ADGB: variants seen among roughly 807,000 people sequenced by gnomAD.
The protein encoded by ADGB is calpain-7-like protein.
A neutral mutation model predicts 210.5 loss-of-function variants in ADGB; 172 were observed. The observed-to-expected ratio is 0.82, with a 90% CI of 0.72 to 0.93. The LOEUF is 0.93. Ranked by LOEUF, ADGB falls within the 40% of genes least tolerant of loss-of-function variation. The pLI is 0.00. For missense variants in ADGB, 2,025 were observed against 1,964.8 expected (o/e 1.03, Z -0.58); for synonymous variants, 658 against 662.7 (o/e 0.99, Z 0.11).
At position 146,716,329 on chromosome 6, in the gene ADGB, C is replaced by T. The variant is rs1040817185; in HGVS notation, c.1742-554C>T. 8.2e-5 allele frequency among the ~76,000 whole-genome samples: 12 copies of T among 146,824 alleles called. 1 individual carries two copies. The highest frequency in any genetic ancestry group is 6.2e-4 in the South Asian group (3 of 4,812). On this transcript the variant is annotated intron_variant, in intron 14 of 35. Transcript: ENST00000397944. Reference sequence around the variant, plus strand: ...TGTGAGGGCCGGGCGCGGTGGCTCACGCCTGTAATCCCAGCACTTTGGGAG... The same window carrying T: ...TGTGAGGGCCGGGCGCGGTGGCTCATGCCTGTAATCCCAGCACTTTGGGAG...
intron 35 of ADGB, among the ~76,000 whole-genome samples, chr6:146,810,424 C>T (rs1778287269): frequency 6.6e-6 from 1 of 152,122 alleles, no homozygotes; most frequent in African/African-American, 2.4e-5. Context: ...CTAGAGCTAC[C>T]ATATGATCCA....
chr6:146,691,425 T>TAAAACAC (rs57619983), intron 11 of ADGB, 135 bp downstream of exon 11: 2 of 71,690 alleles, frequency 2.8e-5, no homozygotes, highest in Non-Finnish European at 4.3e-5. Flanking sequence ...TATATATATA[T>TAAAACAC]ATATATATAT....
At chr6:146,731,839 C>T (rs563006231) in intron 20 of ADGB, among the ~76,000 whole-genome samples, 66 of 152,186 alleles carry the variant, frequency 4.3e-4, no homozygotes, top group African/African-American at 1.3e-3. Flanking sequence ...GAAATGTGTT[C>T]TGAAATCTAG....
At chr6:146,706,805 G>A (rs889646008) in intron 13 of ADGB, among the ~76,000 whole-genome samples, 2 of 136,136 alleles carry the variant, frequency 1.5e-5, no homozygotes, top group Non-Finnish European at 3.1e-5. Context: ...CTAGCAAAAG[G>A]TTTGTCAGTT....
intron 1 of ADGB, among the ~76,000 whole-genome samples, chr6:146,614,693 T>C (rs1780764551): frequency 6.6e-6 from 1 of 152,190 alleles, no homozygotes; most frequent in Middle Eastern, 3.2e-3. Flanking sequence ...CATTGTTGCA[T>C]TGCTGTAAAA....
chr6:146,694,027 C>G (rs988531147), intron 12 of ADGB, among the ~76,000 whole-genome samples: 1 of 152,134 alleles, frequency 6.6e-6, no homozygotes, highest in African/African-American at 2.4e-5. Context: ...TCTCTTCTTT[C>G]CTTTTTGGGC....
At chr6:146,724,382 T>A in intron 18 of ADGB, 55 bp downstream of exon 18, 1 of 1,470,644 alleles carries the variant, frequency 6.8e-7, no homozygotes, top group South Asian at 1.4e-5. Context: ...GCTTGCAAAT[T>A]GTTGGTTACT....
chr6:146,793,058 CT>C (rs1263146047), intron 33 of ADGB, among the ~76,000 whole-genome samples: 1 of 152,176 alleles, frequency 6.6e-6, no homozygotes, highest in Admixed American at 6.5e-5. Flanking sequence ...GTTGCTGCTT[CT>C]GGCTGTGGTG....
Position 146,717,027 on chromosome 6 carries a change from A to C in ADGB, c.1886A>C (p.Lys629Thr), listed in dbSNP as rs889331925. 2 of 1,551,450 alleles carry C rather than the reference A, an allele frequency of 1.3e-6. No individual in the cohort carries two copies. Among genetic ancestry groups the C allele is most frequent in the African/African-American group, 1.4e-5 (1 of 73,038 alleles). The change falls in exon 15 of 36, where the codon AAA becomes ACA. Residue 629 changes from lysine (K) to threonine (T), a missense_variant. Lys to Thr is a moderately conservative substitution (Grantham distance 78). Coordinates refer to ENST00000397944, the MANE Select transcript of ADGB (RefSeq NM_024694.4). ...ELPTTNNSVS[K>T]EIWLDFEDFC... ...CCAACAACAAATAATAGTGTTTCTA[A>C]AGAAATATGGTTAGATTTTGAAGAT...
chr6:146,719,076 G>A (rs1776777477), intron 16 of ADGB, among the ~76,000 whole-genome samples: 1 of 152,124 alleles, frequency 6.6e-6, no homozygotes, highest in Non-Finnish European at 1.5e-5. Flanking sequence ...GATGTTGCAG[G>A]CCCTTAGGTT....
chr6:146,699,632 C>G (rs1007059353), intron 12 of ADGB, among the ~76,000 whole-genome samples: 1 of 152,088 alleles, frequency 6.6e-6, no homozygotes, highest in East Asian at 1.9e-4. Flanking sequence ...CTAGGCAGCC[C>G]TCAAGCCAGC....
intron 7 of ADGB, among the ~76,000 whole-genome samples, chr6:146,669,514 C>G (rs930673948): frequency 6.6e-6 from 1 of 152,064 alleles, no homozygotes; most frequent in African/African-American, 2.4e-5. Context: ...CCAGTGATCA[C>G]CTCTCCTGCC....
chr6:146,750,702 T>C (rs1777307693), intron 26 of ADGB, among the ~76,000 whole-genome samples: 2 of 152,198 alleles, frequency 1.3e-5, no homozygotes, highest in Admixed American at 6.6e-5. Flanking sequence ...GCCAACTCTT[T>C]AATTGCATTA....
At chr6:146,696,301 C>A (rs1013639100) in intron 12 of ADGB, among the ~76,000 whole-genome samples, 3 of 152,120 alleles carry the variant, frequency 2.0e-5, no homozygotes, top group Admixed American at 6.5e-5. Flanking sequence ...GTCTCTATCT[C>A]CTGACCTCAG....
Position 146,683,343 on chromosome 6 carries a change from T to A in ADGB, c.1217-2391T>A, listed in dbSNP as rs763280907. On this transcript the variant is annotated intron_variant, in intron 9 of 35. Transcript: ENST00000397944. ...CCCTGAATCTCATTTATAAGATGTA[T>A]AAAACTTAGTTTGAAAATCCCTATT... is the stretch of plus-strand genomic sequence containing the variant. Among the ~76,000 whole-genome samples the A allele has an allele frequency of 1.1e-4, 16 of 152,254 alleles. 1 individual carries two copies. The highest frequency in any genetic ancestry group is 6.2e-4 in the South Asian group (3 of 4,832).
At chr6:146,660,506 TA>T (rs1344355217) in intron 5 of ADGB, among the ~76,000 whole-genome samples, 1 of 152,072 alleles carries the variant, frequency 6.6e-6, no homozygotes, top group Admixed American at 6.6e-5. Context: ...TTTATAACAA[TA>T]GGGTCATAGA....
At position 146,736,454 on chromosome 6, in the gene ADGB, G is replaced by A. The variant is rs947579346; in HGVS notation, c.2795-44G>A. ...GGCTTTGGACAAGATGATCTTTCAG[G>A]CATCTTAAAGCTTAACGTTTTTATT... On this transcript the variant is annotated intron_variant, in intron 22 of 35. Coordinates refer to ENST00000397944, the MANE Select transcript of ADGB (RefSeq NM_024694.4). 6 of 1,202,572 alleles carry A rather than the reference G, an allele frequency of 5.0e-6. No homozygotes were observed. In the Admixed American group the frequency reaches 8.0e-5, roughly 16 times the overall value. The allele number at this position is 1,202,572 out of a possible 1,614,324, so 74.5% of individuals were successfully genotyped here.
At chr6:146,721,065 G>A (rs1372925927) in intron 16 of ADGB, among the ~76,000 whole-genome samples, 1 of 152,120 alleles carries the variant, frequency 6.6e-6, no homozygotes, top group Non-Finnish European at 1.5e-5. Flanking sequence ...AAAGACCCAT[G>A]CTTGAGTACT....
rs778052927 is a variant in ADGB, at chr6:146,801,822, A to G, written c.4635-6A>G. 6.5e-7 allele frequency: 1 copy of G among 1,533,056 alleles called. No homozygotes were observed. Among genetic ancestry groups the G allele is most frequent in the Non-Finnish European group, 8.8e-7 (1 of 1,138,082 alleles). 95.0% of individuals were successfully genotyped at this position (1,533,056 alleles called of 1,614,324 possible). On this transcript the variant is annotated splice_region_variant and splice_polypyrimidine_tract_variant and intron_variant, in intron 34 of 35. Coordinates refer to ENST00000397944, the MANE Select transcript of ADGB (RefSeq NM_024694.4). ...ATCTGTATCTTTTGATGACTTTTGTATCAAGGAAAACAGATACAGATCCTC... is the reference window on the plus strand; with the variant it reads ...ATCTGTATCTTTTGATGACTTTTGTGTCAAGGAAAACAGATACAGATCCTC...
Sources: gnomAD v4.1 joint callset for allele counts (sites outside exome capture counted in the v4.1 genomes callset) on GRCh38, gnomAD v4.1.1 for gene constraint, MANE v1.5 for transcripts, NCBI Gene and HGNC (gene_info 2026-07-23, HGNC 2026-07-21) for gene names.